The following LRP1B variants were observed in gnomAD, a reference collection of about 807,000 sequenced individuals.
The protein encoded by LRP1B is low-density lipoprotein receptor-related protein 1B.
Under a neutral mutation model 556.6 loss-of-function variants are expected in LRP1B, and 217 were observed. The ratio of observed to expected loss-of-function variants is 0.39; its 90% CI spans 0.35 to 0.44. LRP1B has a LOEUF of 0.44. LRP1B is among the 20% of genes least tolerant of loss of function. LRP1B has a pLI of 1.00. For missense variants in LRP1B, 5,053 were observed against 5,620.8 expected, an observed-to-expected ratio of 0.90 and a Z score of 3.23; for synonymous variants, 2,047 against 1,865.8, an observed-to-expected ratio of 1.10 and a Z score of -2.50.
rs2105019686 is a variant in LRP1B, at chr2:140,541,765, C to T, written c.7387+14G>A. ...TACAATGAAAAAACACATTTGCTTT[C>T]TATTATAACTTACAGCTATTGGTGT... is the stretch of plus-strand genomic sequence containing the variant. On this transcript the variant is annotated intron_variant, in intron 44 of 90. Coordinates refer to ENST00000389484, the MANE Select transcript of LRP1B (RefSeq NM_018557.3). The T allele has an allele frequency of 6.3e-7, 1 of 1,591,580 alleles. No homozygotes were observed. Among genetic ancestry groups the T allele is most frequent in the Non-Finnish European group, 8.6e-7 (1 of 1,163,744 alleles).
At chr2:141,808,175 T>C (rs1281893585) in intron 2 of LRP1B, among the ~76,000 whole-genome samples, 1 of 152,066 alleles carries the variant, frequency 6.6e-6, no homozygotes, top group Non-Finnish European at 1.5e-5. Context: ...TCTCAACTAC[T>C]ATTGCATTGT....
At position 141,106,943 on chromosome 2, in the gene LRP1B, G is replaced by T. The variant is rs141826371; in HGVS notation, c.1014-44670C>A. ...AATTTTATCATTTTCAAGAATGAGAGTTGTTTTGTGAATTGTGATATATGC... is the reference window on the plus strand; with the variant it reads ...AATTTTATCATTTTCAAGAATGAGATTTGTTTTGTGAATTGTGATATATGC... On this transcript the variant is annotated intron_variant, in intron 7 of 90. Coordinates refer to ENST00000389484, the MANE Select transcript of LRP1B (RefSeq NM_018557.3). 1.8e-3 allele frequency among the ~76,000 whole-genome samples: 271 copies of T among 152,052 alleles called. 2 individuals carry two copies. The highest frequency in any genetic ancestry group is 6.3e-3 in the African/African-American group (263 of 41,478).
chr2:141,584,556 T>A (rs1172367456), intron 2 of LRP1B, among the ~76,000 whole-genome samples: 1 of 150,546 alleles, frequency 6.6e-6, no homozygotes, highest in Non-Finnish European at 1.5e-5. Context: ...ATTTATGATA[T>A]GTATATATTT....
At chr2:140,342,004 T>TA (rs936474369) in intron 77 of LRP1B, among the ~76,000 whole-genome samples, 4 of 151,204 alleles carry the variant, frequency 2.6e-5, no homozygotes, top group African/African-American at 4.8e-5. Flanking sequence ...ATATGGAATC[T>TA]AAAAAACCAC....
chr2:140,592,687 G>A (rs566614484), intron 43 of LRP1B, among the ~76,000 whole-genome samples: 53 of 152,208 alleles, frequency 3.5e-4, no homozygotes, highest in Middle Eastern at 3.4e-3. Context: ...ATATATAGAT[G>A]CATATAGATG....
intron 2 of LRP1B, among the ~76,000 whole-genome samples, chr2:141,538,921 G>A (rs950003936): frequency 6.6e-6 from 1 of 152,188 alleles, no homozygotes; most frequent in Non-Finnish European, 1.5e-5. Flanking sequence ...TTACAGGTGT[G>A]AGCCACTGTC....
chr2:141,089,830 C>T (rs1310420923), intron 7 of LRP1B, among the ~76,000 whole-genome samples: 1 of 152,110 alleles, frequency 6.6e-6, no homozygotes, highest in Admixed American at 6.5e-5. Context: ...CAGTGCTTCG[C>T]CAAAGAAGAA....
rs1415241829 is a variant in LRP1B at position 140,702,252 on chromosome 2, A to G, written c.6191T>C (p.Ile2064Thr). 1 of 1,613,724 alleles carries G rather than the reference A, an allele frequency of 6.2e-7. No homozygotes were observed. The highest frequency in any genetic ancestry group is 1.3e-5 in the African/African-American group (1 of 75,002). ...TCCAGTCTCAAGGTCGATTCTCTCT[A>G]TCTTGTCTGTGCGAGCATCACACCA... is the stretch of plus-strand genomic sequence containing the variant. ...LYWCDARTDK[I>T]ERIDLETGGN... is the part of the protein sequence containing the mutation. Residue 2064 changes from isoleucine (I) to threonine (T), a missense_variant, in exon 39 of 91, where the codon ATA becomes ACA. Physicochemically the swap from Ile to Thr is moderately conservative, Grantham distance 89. Transcript: ENST00000389484.
chr2:142,121,085 A>C (rs1707442150), intron 1 of LRP1B, among the ~76,000 whole-genome samples: 1 of 152,174 alleles, frequency 6.6e-6, no homozygotes, highest in South Asian at 2.1e-4. Flanking sequence ...ATCCTCCCTA[A>C]TACATAGAAT....
intron 2 of LRP1B, among the ~76,000 whole-genome samples, chr2:141,749,506 T>G (rs1252552525): frequency 6.6e-6 from 1 of 152,162 alleles, no homozygotes; most frequent in Non-Finnish European, 1.5e-5. Context: ...CTGAATCTAA[T>G]GATAGGAATA....
At chr2:142,026,049 C>T (rs557425245) in intron 1 of LRP1B, among the ~76,000 whole-genome samples, 1 of 152,124 alleles carries the variant, frequency 6.6e-6, no homozygotes, top group African/African-American at 2.4e-5. Context: ...CTGGGCCTGA[C>T]AGTTATTTGG....
rs1238594498 is a variant in LRP1B at position 140,700,515 on chromosome 2, A to G, written c.6534T>C (p.Asp2178=). ...CTTCATGCCTCAGGCAAGTAACTCC[A>G]TCTTCTGCCAAATATCCATGGGCAC... ...CACAHGYLAE[D]GVTCLRHEGY... The change falls in exon 41 of 91, where the codon GAT becomes GAC. Residue 2178 remains aspartate, a synonymous_variant. Transcript: ENST00000389484. 1 of 1,613,390 alleles carries G rather than the reference A, an allele frequency of 6.2e-7. No individual in the cohort carries two copies. Among genetic ancestry groups the G allele is most frequent in the Non-Finnish European group, 8.5e-7 (1 of 1,179,694 alleles).
chr2:141,977,302 T>G (rs1168734316), intron 1 of LRP1B, among the ~76,000 whole-genome samples: 1 of 152,182 alleles, frequency 6.6e-6, no homozygotes, highest in Non-Finnish European at 1.5e-5. Flanking sequence ...CTGGGCACGG[T>G]GGCTCACGAC....
chr2:141,536,803 G>C (rs1305730655), intron 2 of LRP1B, among the ~76,000 whole-genome samples: 2 of 151,952 alleles, frequency 1.3e-5, no homozygotes, highest in Non-Finnish European at 2.9e-5. Flanking sequence ...TCATAGAAGA[G>C]GAAAGAATGT....
intron 66 of LRP1B, among the ~76,000 whole-genome samples, chr2:140,406,036 CAT>C (rs1316570473): frequency 6.6e-6 from 1 of 152,092 alleles, no homozygotes; most frequent in Non-Finnish European, 1.5e-5. Flanking sequence ...AATGATTTAA[CAT>C]ATGCAAATCC....
Position 141,365,085 on chromosome 2 carries a change from C to T in LRP1B, c.344-110444G>A, listed in dbSNP as rs115778040. On this transcript the variant is annotated intron_variant, in intron 3 of 90. Coordinates refer to ENST00000389484, the MANE Select transcript of LRP1B (RefSeq NM_018557.3). ...GGCTTATAGTTGCTTTTTATAGCTG[C>T]ATATGTAAACCCATGTAATATGAAC... Among the ~76,000 whole-genome samples the T allele has an allele frequency of 6.3e-3, 963 of 152,240 alleles. 6 individuals are homozygous for T. The highest frequency in any genetic ancestry group is 0.01 in the Non-Finnish European group (696 of 68,010).
intron 1 of LRP1B, among the ~76,000 whole-genome samples, chr2:141,838,250 G>A (rs974677218): frequency 7.2e-5 from 7 of 96,708 alleles, no homozygotes; most frequent in African/African-American, 2.1e-4. Flanking sequence ...AACAAGGAAG[G>A]TTTGAACAAA....
chr2:141,659,044 T>C (rs1301759082), intron 2 of LRP1B, among the ~76,000 whole-genome samples: 1 of 152,098 alleles, frequency 6.6e-6, no homozygotes, highest in African/African-American at 2.4e-5. Context: ...GCTGGGACTA[T>C]AGGCAGGCAC....
Position 140,526,286 on chromosome 2 carries a change from T to A in LRP1B, c.7827A>T (p.Arg2609=). ...ADGTCIPRSA[R]CNQNIDCADA... is the part of the protein sequence containing the mutation. ...CTGCACAATCTATGTTCTGGTTGCA[T>A]CGTGCTGATCTTGGAATACAAGTCC... Residue 2609 remains arginine (R), a synonymous_variant, in exon 48 of 91, where the codon CGA becomes CGT. Transcript: ENST00000389484. The A allele has an allele frequency of 6.2e-7, 1 of 1,612,080 alleles. No homozygotes were observed.
Sources: gnomAD v4.1 joint callset for allele counts (sites outside exome capture counted in the v4.1 genomes callset) on GRCh38, gnomAD v4.1.1 for gene constraint, MANE v1.5 for transcripts, NCBI Gene and HGNC (gene_info 2026-07-23, HGNC 2026-07-21) for gene names.